The following PRICKLE2 variants were observed in gnomAD, a reference collection of about 807,000 sequenced individuals.
PRICKLE2 encodes the protein prickle planar cell polarity protein 2.
PRICKLE2 carries 21 observed loss-of-function variants against 81.4 expected under a neutral mutation model. The ratio of observed to expected loss-of-function variants is 0.26; its 90% CI spans 0.18 to 0.37. The LOEUF (loss-of-function observed/expected upper bound fraction) is 0.37, where lower values mean the gene tolerates loss of function less well. Among genes scored for constraint, PRICKLE2 ranks in the 10% least tolerant of loss-of-function variants. The pLI is 1.00. For missense variants in PRICKLE2, 940 were observed against 1,109.0 expected, an observed-to-expected ratio of 0.85 and a Z score of 2.16; for synonymous variants, 456 against 421.5, an observed-to-expected ratio of 1.08 and a Z score of -1.00.
intron 6 of PRICKLE2, among the ~76,000 whole-genome samples, chr3:64,151,415 C>T (rs1220134783): frequency 6.6e-6 from 1 of 152,002 alleles, no homozygotes; most frequent in Admixed American, 6.6e-5. Flanking sequence ...AGCCAAAGGG[C>T]GAAAGAAAGA....
chr3:64,155,643 T>G (rs1359127172), intron 5 of PRICKLE2, among the ~76,000 whole-genome samples: 1 of 152,188 alleles, frequency 6.6e-6, no homozygotes, highest in African/African-American at 2.4e-5. Flanking sequence ...CATCAATTGA[T>G]ACATGGCTAG....
At chr3:64,169,780 G>A (rs771899902) in intron 2 of PRICKLE2, among the ~76,000 whole-genome samples, 39 of 152,208 alleles carry the variant, frequency 2.6e-4, no homozygotes, top group Non-Finnish European at 5.1e-4. Flanking sequence ...CTCACCTGCA[G>A]TTTGAGAAGC....
At chr3:64,112,810 C>T (rs2076871135) in intron 7 of PRICKLE2, among the ~76,000 whole-genome samples, 1 of 152,002 alleles carries the variant, frequency 6.6e-6, no homozygotes, top group Non-Finnish European at 1.5e-5. Context: ...ACTGAATAAG[C>T]AAAAAACAGC....
At chr3:64,149,895 G>A (rs1381072649) in intron 6 of PRICKLE2, among the ~76,000 whole-genome samples, 1 of 151,586 alleles carries the variant, frequency 6.6e-6, no homozygotes. Flanking sequence ...TTTTTTTATA[G>A]GGATAGGAGC....
chr3:64,223,630 G>A (rs1559590068), intron 1 of PRICKLE2, among the ~76,000 whole-genome samples: 1 of 152,160 alleles, frequency 6.6e-6, no homozygotes, highest in Non-Finnish European at 1.5e-5. Context: ...ATTTTCACAT[G>A]AAAAACAGAA....
chr3:64,144,348 A>G (rs1484087338), intron 7 of PRICKLE2, among the ~76,000 whole-genome samples: 1 of 152,240 alleles, frequency 6.6e-6, no homozygotes, highest in South Asian at 2.1e-4. Flanking sequence ...AATGAGAATC[A>G]TAACAATATT....
chr3:64,239,695 A>G (rs546637119), intron 2 of PRICKLE2, among the ~76,000 whole-genome samples: 72 of 152,298 alleles, frequency 4.7e-4, no homozygotes, highest in African/African-American at 1.6e-3. Flanking sequence ...TCAAGGTTAT[A>G]CCTATGGTTG....
chr3:64,215,518 T>C (rs1480900591), intron 1 of PRICKLE2, among the ~76,000 whole-genome samples: 2 of 152,384 alleles, frequency 1.3e-5, no homozygotes, highest in East Asian at 3.9e-4. Flanking sequence ...CTTTGAAATT[T>C]TGACTAATAC....
upstream of PRICKLE2, among the ~76,000 whole-genome samples, chr3:64,228,521 C>A (rs2079059360): frequency 6.9e-6 from 1 of 144,150 alleles, no homozygotes; most frequent in Admixed American, 6.7e-5. Context: ...ATCCTGGAGA[C>A]CATTCTAATG....
chr3:64,250,088 C>A (rs1002161413), intron 2 of PRICKLE2, among the ~76,000 whole-genome samples: 52 of 152,186 alleles, frequency 3.4e-4, no homozygotes, highest in Admixed American at 2.8e-3. Flanking sequence ...ACTGGTCTCA[C>A]CTCTCAACCA....
intron 3 of PRICKLE2, among the ~76,000 whole-genome samples, chr3:64,162,786 G>A (rs2077755593): frequency 6.6e-6 from 1 of 152,158 alleles, no homozygotes; most frequent in Admixed American, 6.5e-5. Flanking sequence ...AGCTAGTAGT[G>A]CCAGGCATAG....
At chr3:64,173,748 G>A (rs1333702761) in intron 2 of PRICKLE2, among the ~76,000 whole-genome samples, 1 of 152,112 alleles carries the variant, frequency 6.6e-6, no homozygotes, top group East Asian at 1.9e-4. Flanking sequence ...TGTCTTCAAC[G>A]GTCCCAGCAA....
chr3:64,267,557 C>A (rs1403886848), intron 2 of PRICKLE2, among the ~76,000 whole-genome samples: 3 of 150,956 alleles, frequency 2.0e-5, no homozygotes, highest in African/African-American at 7.2e-5. Flanking sequence ...AAAATGAATT[C>A]TAAGAGAATA....
At chr3:64,197,636 G>T (rs1446536743) in intron 2 of PRICKLE2, among the ~76,000 whole-genome samples, 3 of 152,132 alleles carry the variant, frequency 2.0e-5, no homozygotes, top group African/African-American at 7.2e-5. Flanking sequence ...TCATGCAGTG[G>T]GAGCTAAATG....
chr3:64,249,445 T>C (rs1018872903), intron 2 of PRICKLE2, among the ~76,000 whole-genome samples: 1 of 152,160 alleles, frequency 6.6e-6, no homozygotes, highest in Non-Finnish European at 1.5e-5. Flanking sequence ...CACAATCCAA[T>C]GTGGGTGATA....
chr3:64,208,187 CTGT>C (rs1218974137), intron 1 of PRICKLE2, among the ~76,000 whole-genome samples: 2 of 152,146 alleles, frequency 1.3e-5, no homozygotes, highest in African/African-American at 4.8e-5. Context: ...AGGACAGTGG[CTGT>C]TGTTAGCAAG....
rs1384480816 is a variant in PRICKLE2, at chr3:64,093,881, A to T, written c.*5170T>A. The T allele has an allele frequency of 6.6e-6, 1 of 152,450 alleles. No homozygotes were observed. The highest frequency in any genetic ancestry group is 1.5e-5 in the Non-Finnish European group (1 of 68,040). 9.4% of individuals were successfully genotyped at this position (152,450 alleles called of 1,614,324 possible). Reference sequence around the variant, plus strand: ...GAATGGCAACATTTCTTTTATTCAAATTTTATTGGAAGTTTACAAATGTAT... The same window carrying T: ...GAATGGCAACATTTCTTTTATTCAATTTTTATTGGAAGTTTACAAATGTAT... On this transcript the variant is annotated 3_prime_UTR_variant, in exon 8 of 8. Coordinates refer to ENST00000638394, the MANE Select transcript of PRICKLE2 (RefSeq NM_198859.4).
chr3:64,196,598 G>C (rs941073179), intron 2 of PRICKLE2, among the ~76,000 whole-genome samples: 1 of 152,056 alleles, frequency 6.6e-6, no homozygotes, highest in Non-Finnish European at 1.5e-5. Flanking sequence ...CACAGACTGG[G>C]AGAAAGCACT....
chr3:64,256,332 T>C (rs1385692093), intron 2 of PRICKLE2, among the ~76,000 whole-genome samples: 1 of 152,212 alleles, frequency 6.6e-6, no homozygotes, highest in African/African-American at 2.4e-5. Context: ...ATTCTTCTCA[T>C]TAGGAGACCT....
Sources: allele counts gnomAD v4.1 joint callset (sites outside exome capture counted in the v4.1 genomes callset), GRCh38; gene constraint gnomAD v4.1.1; transcripts MANE v1.5; gene names NCBI Gene and HGNC (gene_info 2026-07-23, HGNC 2026-07-21).